Variants in RDX observed in about 807,000 individuals in gnomAD.
RDX encodes radixin, also known as deafness, autosomal recessive 24.
In RDX, 32 loss-of-function variants were observed where a neutral mutation model predicts 83.7. That is an observed-to-expected ratio of 0.38 (90% CI 0.29 to 0.51). The LOEUF is 0.51. Ranked by LOEUF, RDX falls within the 20% of genes least tolerant of loss-of-function variation. RDX has a pLI of 0.87. For synonymous variants in RDX, 229 were observed against 222.7 expected (o/e 1.03, Z -0.25); for missense variants, 600 against 689.9 (o/e 0.87, Z 1.46).
chr11:110,250,550 T>C (rs1859291021), intron 9 of RDX, among the ~76,000 whole-genome samples: 1 of 152,180 alleles, frequency 6.6e-6, no homozygotes. Flanking sequence ...CTCTGGCATA[T>C]ATGGCCCTTT....
Position 110,231,708 on chromosome 11 carries a change from T to C in RDX, c.*161A>G, listed in dbSNP as rs1000903738. On this transcript the variant is annotated 3_prime_UTR_variant, in exon 14 of 14. Coordinates refer to ENST00000645495, the MANE Select transcript of RDX (RefSeq NM_002906.4). Reference sequence around the variant, plus strand: ...AACCAAGCATGATATCATACTGCCTTAATGTTGAAGAGCTCCCCTTAAATT... The same window carrying C: ...AACCAAGCATGATATCATACTGCCTCAATGTTGAAGAGCTCCCCTTAAATT... 2.6e-6 allele frequency: 2 copies of C among 773,888 alleles called. No homozygotes were observed. Among genetic ancestry groups the C allele is most frequent in the African/African-American group, 3.4e-5 (2 of 58,906 alleles). The allele number at this position is 773,888 out of a possible 1,614,324, so 47.9% of individuals were successfully genotyped here.
At chr11:110,237,413 G>A in intron 11 of RDX, 79 bp downstream of exon 11, 1 of 1,388,264 alleles carries the variant, frequency 7.2e-7, no homozygotes, top group Non-Finnish European at 9.9e-7. Context: ...CAAAATGGTT[G>A]CTTTTCTTTT....
chr11:110,199,069 C>T (rs1164881172), intron 15 of RDX, among the ~76,000 whole-genome samples: 1 of 152,166 alleles, frequency 6.6e-6, no homozygotes, highest in African/African-American at 2.4e-5. Context: ...CCTGCCTCCA[C>T]CTCTGAAAGT....
chr11:110,185,712 C>T (rs1013728051), intron 15 of RDX: 2 of 152,258 alleles, frequency 1.3e-5, no homozygotes, highest in African/African-American at 4.8e-5. Flanking sequence ...AGAATGTGGG[C>T]TTATGCCTGT....
chr11:110,223,488 A>C (rs925389834), intron 14 of RDX, among the ~76,000 whole-genome samples: 1 of 152,184 alleles, frequency 6.6e-6, no homozygotes, highest in Non-Finnish European at 1.5e-5. Context: ...AAATCGCACC[A>C]CTGCACTCCA....
chr11:110,197,522 G>C (rs1022813930), intron 15 of RDX, among the ~76,000 whole-genome samples: 1 of 152,158 alleles, frequency 6.6e-6, no homozygotes, highest in African/African-American at 2.4e-5. Flanking sequence ...ATTTGATCTT[G>C]ACTTTTCATG....
downstream of RDX, among the ~76,000 whole-genome samples, chr11:110,225,426 A>C (rs1434250583): frequency 6.6e-6 from 1 of 152,240 alleles, no homozygotes; most frequent in Non-Finnish European, 1.5e-5. Flanking sequence ...AAAAATAAAC[A>C]ATTTTAAAAA....
chr11:110,277,701 G>C (rs1591179294), intron 2 of RDX, among the ~76,000 whole-genome samples: 2 of 151,236 alleles, frequency 1.3e-5, no homozygotes, highest in East Asian at 3.9e-4. Context: ...TCTGAGTTGT[G>C]TTATTATTCA....
intron 14 of RDX, among the ~76,000 whole-genome samples, chr11:110,210,152 T>C (rs1426310045): frequency 1.8e-5 from 2 of 114,010 alleles, no homozygotes; most frequent in African/African-American, 7.2e-5. Flanking sequence ...AAGGAGCTGA[T>C]GGAGCTGAAA....
At chr11:110,262,245 A>T (rs1859836030) in intron 5 of RDX, among the ~76,000 whole-genome samples, 1 of 152,186 alleles carries the variant, frequency 6.6e-6, no homozygotes, top group Non-Finnish European at 1.5e-5. Flanking sequence ...TTCCAAGGTG[A>T]CTACTATTGC....
chr11:110,199,412 T>G (rs946881841), intron 15 of RDX, among the ~76,000 whole-genome samples: 1 of 152,182 alleles, frequency 6.6e-6, no homozygotes, highest in Non-Finnish European at 1.5e-5. Flanking sequence ...TCAGAGGCTG[T>G]AAAGATAGAG....
chr11:110,238,856 C>T (rs985647882), intron 10 of RDX, among the ~76,000 whole-genome samples: 14 of 150,112 alleles, frequency 9.3e-5, no homozygotes, highest in East Asian at 2.0e-4. Context: ...ACCCAGGAGG[C>T]GGAGGCTGCA....
chr11:110,183,674 T>A (rs555848951), intron 15 of RDX, among the ~76,000 whole-genome samples: 1 of 152,326 alleles, frequency 6.6e-6, no homozygotes, highest in African/African-American at 2.4e-5. Flanking sequence ...AACACTCAGA[T>A]GACCTTTTTT....
At chr11:110,243,817 T>C (rs899214086) in intron 10 of RDX, among the ~76,000 whole-genome samples, 2 of 151,910 alleles carry the variant, frequency 1.3e-5, no homozygotes, top group African/African-American at 4.8e-5. Context: ...AACTATAAAA[T>C]ACCACTTCAC....
At chr11:110,251,865 C>G (rs1859353494) in intron 9 of RDX, among the ~76,000 whole-genome samples, 2 of 152,074 alleles carry the variant, frequency 1.3e-5, no homozygotes, top group Non-Finnish European at 2.9e-5. Flanking sequence ...CCAAATATAC[C>G]AAAGTATTGT....
At chr11:110,229,398 A>C (rs568088339), downstream of RDX, 1 of 152,448 alleles carries the variant, frequency 6.6e-6, no homozygotes, top group Non-Finnish European at 1.5e-5. Context: ...TGTAATTTTC[A>C]AGAAACATAC....
intron 15 of RDX, among the ~76,000 whole-genome samples, chr11:110,186,469 A>G (rs967046226): frequency 2.0e-5 from 3 of 152,088 alleles, no homozygotes; most frequent in Non-Finnish European, 4.4e-5. Flanking sequence ...ACAGGCTTCT[A>G]GCATGCCTCA....
At chr11:110,217,052 T>C (rs1394636936) in intron 14 of RDX, among the ~76,000 whole-genome samples, 2 of 152,184 alleles carry the variant, frequency 1.3e-5, no homozygotes, top group Admixed American at 1.3e-4. Context: ...TCAGGCCCAG[T>C]GCACTCTTTT....
chr11:110,233,127 C>A lies in RDX; in HGVS notation c.1587+110G>T, dbSNP rs553945711. 40 of 1,358,524 alleles carry A rather than the reference C, an allele frequency of 2.9e-5. No individual in the cohort carries two copies. In the African/African-American group the frequency reaches 5.6e-4, roughly 19 times the overall value. 84.2% of individuals were successfully genotyped at this position (1,358,524 alleles called of 1,614,324 possible). A position where few individuals can be genotyped will look rare whatever the true frequency, so the allele number is the denominator to read the frequency against. On this transcript the variant is annotated intron_variant, in intron 13 of 13. Transcript: ENST00000645495. ...AGGCCAAACACCCACAAACCAATCA[C>A]AAGGGCAGCCAGTATTAAAACTTCT...
Sources: gnomAD v4.1 joint callset for allele counts (sites outside exome capture counted in the v4.1 genomes callset) on GRCh38, gnomAD v4.1.1 for gene constraint, MANE v1.5 for transcripts, NCBI Gene and HGNC (gene_info 2026-07-23, HGNC 2026-07-21) for gene names.